RGS6: variants seen among roughly 807,000 people sequenced by gnomAD.
The protein encoded by RGS6 is regulator of G-protein signaling 6.
In RGS6, 30 loss-of-function variants were observed where a neutral mutation model predicts 78.5. The observed-to-expected ratio is 0.38, with a 90% confidence interval of 0.29 to 0.52. The LOEUF is 0.52. Ranked by LOEUF, RGS6 falls within the 20% of genes least tolerant of loss-of-function variation. The pLI, the probability that RGS6 is intolerant of heterozygous loss-of-function variation, is 0.85. For synonymous variants in RGS6, 206 were observed against 206.0 expected, an observed-to-expected ratio of 1.00 and a Z score of 0.00; for missense variants, 495 against 609.7, an observed-to-expected ratio of 0.81 and a Z score of 1.98.
chr14:71,968,782 T>C (rs1395736504), intron 2 of RGS6, among the ~76,000 whole-genome samples: 2 of 152,222 alleles, frequency 1.3e-5, no homozygotes, highest in African/African-American at 2.4e-5. Flanking sequence ...TTGACTTTCA[T>C]GTTTCTTCTG....
chr14:72,284,635 G>A (rs1014874881), intron 2 of RGS6, among the ~76,000 whole-genome samples: 2 of 152,220 alleles, frequency 1.3e-5, no homozygotes, highest in Non-Finnish European at 2.9e-5. Flanking sequence ...CTAGGGCAGT[G>A]CAGAAGGAAA....
At position 71,962,958 on chromosome 14, in the gene RGS6, G is replaced by A. The variant is rs906920663; in HGVS notation, c.-20-1814G>A. Among the ~76,000 whole-genome samples the A allele has an allele frequency of 4.6e-5, 7 of 152,240 alleles. No homozygotes were observed. In the East Asian group the frequency reaches 1.2e-3, roughly 25 times the overall value. ...TTTATAAGAGTTTCTTTGATGAAAAGCCTCTGAATTTTGTGCAAATAACCC... is the reference window on the plus strand; with the variant it reads ...TTTATAAGAGTTTCTTTGATGAAAAACCTCTGAATTTTGTGCAAATAACCC... On this transcript the variant is annotated intron_variant, in intron 1 of 17. Transcript: ENST00000553525.
At chr14:72,493,674 G>A (rs1330776884) in intron 12 of RGS6, among the ~76,000 whole-genome samples, 1 of 152,090 alleles carries the variant, frequency 6.6e-6, no homozygotes, top group East Asian at 1.9e-4. Flanking sequence ...TAGCAATAAA[G>A]AGATGATTCT....
At chr14:72,573,186 A>G in the RGS6 span, among the ~76,000 whole-genome samples, 11 of 152,220 alleles carry the variant, frequency 7.2e-5, no homozygotes, top group African/African-American at 2.4e-4. Context: ...ATAGGAAAAA[A>G]GGAATTTAAT....
At chr14:71,922,748 T>C in the RGS6 span, among the ~76,000 whole-genome samples, 3 of 152,214 alleles carry the variant, frequency 2.0e-5, no homozygotes, top group Non-Finnish European at 4.4e-5. Context: ...AAAAAAATTA[T>C]TATGTTCTTG....
chr14:72,568,954 G>A (rs1386981720), downstream of RGS6, among the ~76,000 whole-genome samples: 1 of 152,212 alleles, frequency 6.6e-6, no homozygotes, highest in Non-Finnish European at 1.5e-5. Context: ...TCACAGGATG[G>A]CTCTGGGTTA....
At chr14:71,957,791 G>A (rs899389193) in intron 1 of RGS6, among the ~76,000 whole-genome samples, 2 of 152,056 alleles carry the variant, frequency 1.3e-5, no homozygotes, top group East Asian at 1.9e-4. Context: ...TCAGAGATCA[G>A]TCCTCACCCT....
intron 2 of RGS6, among the ~76,000 whole-genome samples, chr14:72,138,422 A>G (rs1216716906): frequency 2.2e-5 from 3 of 139,048 alleles, no homozygotes; most frequent in Non-Finnish European, 4.6e-5. Flanking sequence ...TGGAAACTTG[A>G]TACTTCACTG....
upstream of RGS6, among the ~76,000 whole-genome samples, chr14:71,928,217 C>T (rs2087747147): frequency 6.6e-6 from 1 of 152,088 alleles, no homozygotes. Flanking sequence ...AATTCTGTGC[C>T]CTTTGAGCCA....
intron 2 of RGS6, among the ~76,000 whole-genome samples, chr14:72,152,629 C>T (rs1207845047): frequency 1.3e-5 from 2 of 152,088 alleles, no homozygotes; most frequent in African/African-American, 4.8e-5. Context: ...GTCAAGTACA[C>T]TGTTTTAGGT....
chr14:72,197,495 T>C (rs1460975189), intron 2 of RGS6, among the ~76,000 whole-genome samples: 1 of 152,128 alleles, frequency 6.6e-6, no homozygotes, highest in Non-Finnish European at 1.5e-5. Flanking sequence ...ACAAGAACAC[T>C]TGGCAAACGA....
chr14:71,972,797 T>C (rs373292965), intron 2 of RGS6, among the ~76,000 whole-genome samples: 2 of 152,240 alleles, frequency 1.3e-5, no homozygotes, highest in Admixed American at 1.3e-4. Flanking sequence ...GAGAGATGTT[T>C]AGGAGGTTCA....
intron 2 of RGS6, among the ~76,000 whole-genome samples, chr14:72,280,949 G>C (rs948673456): frequency 6.6e-6 from 1 of 152,174 alleles, no homozygotes; most frequent in African/African-American, 2.4e-5. Flanking sequence ...CATGTGGACA[G>C]ATGGTTATGA....
intron 1 of RGS6, among the ~76,000 whole-genome samples, chr14:71,956,680 C>G (rs2153019766): frequency 6.6e-6 from 1 of 152,274 alleles, no homozygotes; most frequent in Admixed American, 6.5e-5. Context: ...GTGGGTCTGC[C>G]TTCCCCAGCC....
intron 2 of RGS6, among the ~76,000 whole-genome samples, chr14:71,981,931 C>T (rs1467493736): frequency 1.3e-5 from 2 of 151,348 alleles, no homozygotes; most frequent in Admixed American, 6.6e-5. Flanking sequence ...TGCTAGCCAT[C>T]AGCGAGACTC....
chr14:71,940,834 C>A (rs1302021015), intron 1 of RGS6, among the ~76,000 whole-genome samples: 2 of 152,214 alleles, frequency 1.3e-5, no homozygotes, highest in Non-Finnish European at 1.5e-5. Flanking sequence ...CTTCTGGACC[C>A]TCCCAGCTGG....
intron 2 of RGS6, among the ~76,000 whole-genome samples, chr14:72,128,305 C>T (rs1286135740): frequency 6.6e-6 from 1 of 152,096 alleles, no homozygotes; most frequent in African/African-American, 2.4e-5. Flanking sequence ...TGCCATAAAT[C>T]AAAGTAGCTT....
At chr14:71,880,110 C>T in the RGS6 span, among the ~76,000 whole-genome samples, 1 of 152,166 alleles carries the variant, frequency 6.6e-6, no homozygotes, top group Non-Finnish European at 1.5e-5. Flanking sequence ...TGGCATTTTG[C>T]CCCTCCCCTA....
intron 15 of RGS6, among the ~76,000 whole-genome samples, chr14:72,519,748 G>A (rs996221822): frequency 3.9e-5 from 6 of 152,152 alleles, no homozygotes; most frequent in Non-Finnish European, 7.3e-5. Context: ...GTGTATGTAC[G>A]TATGCTTTCA....
Sources: gnomAD v4.1 joint callset for allele counts (sites outside exome capture counted in the v4.1 genomes callset) on GRCh38, gnomAD v4.1.1 for gene constraint, MANE v1.5 for transcripts, NCBI Gene and HGNC (gene_info 2026-07-23, HGNC 2026-07-21) for gene names.